The following PPFIA1 variants were observed in gnomAD, a reference collection of about 807,000 sequenced individuals.
The protein encoded by PPFIA1 is PPFI scaffold protein A1.
Under a neutral mutation model 149.9 loss-of-function variants are expected in PPFIA1, and 25 were observed. The observed-to-expected ratio is 0.17, with a 90% CI of 0.12 to 0.23. PPFIA1 has a LOEUF of 0.23. Ranked by LOEUF, PPFIA1 falls within the 10% of genes least tolerant of loss-of-function variation. The probability of loss-of-function intolerance (pLI) is 1.00; values close to 1 mark genes in which losing one functional copy is unlikely to be tolerated. For missense variants in PPFIA1, 1,362 were observed against 1,506.5 expected (o/e 0.90, Z 1.59); for synonymous variants, 549 against 552.8 (o/e 0.99, Z 0.10).
chr11:70,271,834 A>G (rs1250375435), intron 1 of PPFIA1: 1 of 110,016 alleles, frequency 9.1e-6, no homozygotes, highest in East Asian at 3.1e-4. Flanking sequence ...ACTGGGAAGT[A>G]AAAAAAATAG....
At chr11:70,297,721 C>T (rs2052176641) in intron 2 of PPFIA1, among the ~76,000 whole-genome samples, 1 of 152,224 alleles carries the variant, frequency 6.6e-6, no homozygotes, top group African/African-American at 2.4e-5. Context: ...TTGGAGGACA[C>T]TGGTTAGCCA....
At chr11:70,282,833 CTT>C (rs59308854) in intron 2 of PPFIA1, among the ~76,000 whole-genome samples, 835 of 71,844 alleles carry the variant, frequency 0.012, 11 homozygotes, top group African/African-American at 0.044. Context: ...CCGTGCCTGG[CTT>C]TTTTTTTTTT....
chr11:70,348,318 C>T lies in PPFIA1; in HGVS notation c.2061C>T (p.Ser687=). Reference sequence around the variant, plus strand: ...GCTCCATTCCCCCCTACCCTGCTTCCTCGCTTGCTAGCTCCTCCCCTCCGG... The same window carrying T: ...GCTCCATTCCCCCCTACCCTGCTTCTTCGCTTGCTAGCTCCTCCCCTCCGG... The part of the protein sequence containing the change: ...SMSSIPPYPA[S]SLASSSPPGS... The change falls in exon 16 of 28, where the codon TCC becomes TCT. Residue 687 remains serine (S), a synonymous_variant. Transcript: ENST00000253925. 6.2e-7 allele frequency: 1 copy of T among 1,614,210 alleles called. No homozygotes were observed. Among genetic ancestry groups the T allele is most frequent in the Middle Eastern group, 1.6e-4 (1 of 6,062 alleles).
At chr11:70,279,955 CTGTAGTGTAGTGG>C (rs1367957931) in intron 2 of PPFIA1, among the ~76,000 whole-genome samples, 1 of 136,200 alleles carries the variant, frequency 7.3e-6, no homozygotes, top group East Asian at 2.0e-4. Context: ...GTTGCCCAGG[CTGTAGTGTAGTGG>C]TGCAGTCTCA....
intron 2 of PPFIA1, among the ~76,000 whole-genome samples, chr11:70,300,260 T>G (rs1052559899): frequency 2.6e-5 from 4 of 152,230 alleles, no homozygotes; most frequent in Non-Finnish European, 5.9e-5. Flanking sequence ...TGGTTTCTTC[T>G]CACTCCTCAT....
intron 10 of PPFIA1, 99 bp from the exon 11 acceptor site, chr11:70,335,464 G>A: frequency 7.1e-7 from 1 of 1,407,668 alleles, no homozygotes; most frequent in South Asian, 1.3e-5. Context: ...TGGGGGAGGG[G>A]AGGGCACACA....
At chr11:70,313,421 G>A (rs995392281) in intron 2 of PPFIA1, among the ~76,000 whole-genome samples, 5 of 152,124 alleles carry the variant, frequency 3.3e-5, no homozygotes, top group Admixed American at 1.3e-4. Flanking sequence ...GATTTGTTTC[G>A]GAAAACATAG....
At chr11:70,298,480 T>C (rs1278040800) in intron 2 of PPFIA1, among the ~76,000 whole-genome samples, 5 of 152,246 alleles carry the variant, frequency 3.3e-5, no homozygotes, top group Admixed American at 1.3e-4. Context: ...AACCCATGAA[T>C]GCCTGGCACT....
At position 70,326,623 on chromosome 11, in the gene PPFIA1, C is replaced by T. The variant is rs374093821; in HGVS notation, c.735C>T (p.His245=). 2.5e-5 allele frequency: 40 copies of T among 1,613,888 alleles called. No homozygotes were observed. In the East Asian group the frequency reaches 3.3e-4, roughly 13 times the overall value. ...GKRSSDGSLS[H]EEDLAKVIEL... ...GATCTTCTGATGGTTCTTTAAGCCA[C>T]GAGGAAGACCTTGCTAAAGTAATTG... is the stretch of plus-strand genomic sequence containing the variant. Residue 245 remains histidine (H), a synonymous_variant, in exon 7 of 28, where the codon CAC becomes CAT. Transcript: ENST00000253925.
At chr11:70,315,083 C>T (rs2053520597) in intron 2 of PPFIA1, among the ~76,000 whole-genome samples, 1 of 152,214 alleles carries the variant, frequency 6.6e-6, no homozygotes, top group Non-Finnish European at 1.5e-5. Flanking sequence ...TTACCTCCAC[C>T]TGGTCCTGCC....
chr11:70,379,200 G>A (rs1387819895), intron 26 of PPFIA1, among the ~76,000 whole-genome samples: 1 of 152,146 alleles, frequency 6.6e-6, no homozygotes, highest in Non-Finnish European at 1.5e-5. Context: ...GAGCAGACTG[G>A]AGGAAAGGAA....
chr11:70,324,636 CTG>C, intron 3 of PPFIA1, 133 bp downstream of exon 3: 3 of 894,288 alleles, frequency 3.4e-6, no homozygotes, highest in East Asian at 2.4e-5. Flanking sequence ...ACTGAGCAGA[CTG>C]TGATTAGTCA....
intron 2 of PPFIA1, among the ~76,000 whole-genome samples, chr11:70,315,113 G>A (rs1170337977): frequency 6.6e-6 from 1 of 152,118 alleles, no homozygotes; most frequent in Non-Finnish European, 1.5e-5. Flanking sequence ...TGGGAATTAG[G>A]GGATTATAAT....
At position 70,362,488 on chromosome 11, in the gene PPFIA1, G is replaced by C; in HGVS notation, c.2865G>C (p.Thr955=). 1 of 1,599,798 alleles carries C rather than the reference G, an allele frequency of 6.3e-7. No individual in the cohort carries two copies. Among genetic ancestry groups the C allele is most frequent in the Non-Finnish European group, 8.5e-7 (1 of 1,171,910 alleles). ...TSPSAPPTSR[T]TLAYGDMNHE... is the part of the protein sequence containing the mutation. ...CGTCTGCCCCGCCCACATCTAGAAC[G>C]GTACGTTCAGAGACAACCCCTGCAT... Residue 955 remains threonine (T), a splice_region_variant and synonymous_variant, in exon 21 of 28, where the codon ACG becomes ACC. Coordinates refer to ENST00000253925, the MANE Select transcript of PPFIA1 (RefSeq NM_003626.5).
intron 2 of PPFIA1, among the ~76,000 whole-genome samples, chr11:70,295,624 T>A (rs2051908963): frequency 2.7e-5 from 3 of 112,050 alleles, no homozygotes; most frequent in Admixed American, 8.9e-5. Context: ...CACTTCCCAG[T>A]AGGGGCGGCC....
intron 4 of PPFIA1, 86 bp downstream of exon 4, chr11:70,325,097 G>A: frequency 7.7e-7 from 1 of 1,301,782 alleles, no homozygotes; most frequent in South Asian, 1.7e-5. Context: ...TTTGTTTTTT[G>A]AAGCTTCTTG....
intron 2 of PPFIA1, among the ~76,000 whole-genome samples, chr11:70,296,144 C>G (rs932582355): frequency 6.6e-6 from 1 of 151,082 alleles, no homozygotes; most frequent in East Asian, 2.0e-4. Flanking sequence ...AAGAGGTGCT[C>G]CTCACTTCCT....
intron 11 of PPFIA1, among the ~76,000 whole-genome samples, chr11:70,336,510 A>C (rs1254072444): frequency 1.3e-5 from 2 of 151,944 alleles, no homozygotes; most frequent in East Asian, 3.8e-4. Context: ...TGTTTCAAAA[A>C]AAAAAAAAAA....
chr11:70,326,797 A>T lies in PPFIA1; in HGVS notation c.909A>T (p.Lys303Asn). 1 of 1,613,950 alleles carries T rather than the reference A, an allele frequency of 6.2e-7. No individual in the cohort carries two copies. The highest frequency in any genetic ancestry group is 8.5e-7 in the Non-Finnish European group (1 of 1,179,840). The change falls in exon 7 of 28, where the codon AAA becomes AAT. Residue 303 changes from lysine (K) to asparagine (N), a missense_variant. Around this residue, in one of 7 missense-constraint regions of PPFIA1, gnomAD observed 733 missense variants for 744.1 expected, o/e 0.99. Transcript: ENST00000253925. Reference protein sequence around the residue: ...DLIKSEEMNTKLQRDVREAMA... With the variant: ...DLIKSEEMNTNLQRDVREAMA... The stretch of plus-strand genomic sequence containing the variant: ...TCAAATCTGAAGAAATGAACACAAA[A>T]TTGCAACGAGATGTCCGTGAAGTGA...
Sources: gnomAD v4.1 joint callset for allele counts (sites outside exome capture counted in the v4.1 genomes callset) on GRCh38, gnomAD v4.1.1 for gene constraint, gnomAD v4.1.1 regional missense constraint, MANE v1.5 for transcripts, NCBI Gene and HGNC (gene_info 2026-07-23, HGNC 2026-07-21) for gene names.